SNTG1: variants seen among roughly 807,000 people sequenced by gnomAD.
SNTG1 encodes gamma-1-syntrophin.
A neutral mutation model predicts 74.7 loss-of-function variants in SNTG1; 39 were observed. The observed-to-expected ratio is 0.52, with a 90% CI of 0.40 to 0.68. The LOEUF (loss-of-function observed/expected upper bound fraction) is 0.68. SNTG1 is among the 30% of genes least tolerant of loss of function. The probability of loss-of-function intolerance (pLI) is 0.00; values close to 1 mark genes in which losing one functional copy is unlikely to be tolerated. For synonymous variants in SNTG1, 254 were observed against 217.1 expected (o/e 1.17, Z -1.49); for missense variants, 685 against 609.5 (o/e 1.12, Z -1.30).
chr8:50,740,701 G>A (rs2095541198), intron 17 of SNTG1, among the ~76,000 whole-genome samples: 1 of 152,052 alleles, frequency 6.6e-6, no homozygotes, highest in African/African-American at 2.4e-5. Flanking sequence ...TATGTTCACT[G>A]CAGCACTGTT....
chr8:50,371,964 T>G (rs1235699661), intron 2 of SNTG1, among the ~76,000 whole-genome samples: 1 of 152,208 alleles, frequency 6.6e-6, no homozygotes, highest in East Asian at 1.9e-4. Flanking sequence ...GATCTTGTTT[T>G]TTAATCCATT....
At chr8:49,935,485 G>GAA (rs1233981883) in intron 1 of SNTG1, among the ~76,000 whole-genome samples, 36 of 106,898 alleles carry the variant, frequency 3.4e-4, no homozygotes, top group Non-Finnish European at 4.3e-4. Flanking sequence ...TGGGTCACTG[G>GAA]AAAAAAAGTG....
chr8:50,753,742 A>T (rs933286948), intron 18 of SNTG1, among the ~76,000 whole-genome samples: 9 of 151,874 alleles, frequency 5.9e-5, no homozygotes, highest in African/African-American at 2.2e-4. Flanking sequence ...GTAAGAATAG[A>T]TATTTGGTTG....
At chr8:50,192,958 G>GT (rs2083629273) in intron 2 of SNTG1, among the ~76,000 whole-genome samples, 1 of 152,038 alleles carries the variant, frequency 6.6e-6, no homozygotes, top group African/African-American at 2.4e-5. Context: ...TCAGTTGACT[G>GT]TAAGTATTTG....
chr8:50,643,278 C>T (rs1325391891), intron 13 of SNTG1, among the ~76,000 whole-genome samples: 1 of 152,176 alleles, frequency 6.6e-6, no homozygotes, highest in African/African-American at 2.4e-5. Flanking sequence ...TTCCTGATTG[C>T]CACTCTCCAA....
intron 1 of SNTG1, among the ~76,000 whole-genome samples, chr8:50,163,017 A>G (rs1398972459): frequency 6.6e-6 from 1 of 152,224 alleles, no homozygotes; most frequent in Non-Finnish European, 1.5e-5. Context: ...GGCTGCTTCC[A>G]GGATTCATGG....
chr8:49,923,418 G>A (rs1200199629), intron 1 of SNTG1, among the ~76,000 whole-genome samples: 1 of 152,050 alleles, frequency 6.6e-6, no homozygotes, highest in South Asian at 2.1e-4. Context: ...AGCATATAAA[G>A]TCTTCAATAG....
intron 2 of SNTG1, chr8:50,381,756 T>A (rs1233110998): frequency 7.2e-6 from 1 of 138,654 alleles, no homozygotes; most frequent in Non-Finnish European, 1.6e-5. Flanking sequence ...ATAGGATATA[T>A]ATATCCTATT....
At chr8:50,445,079 G>A (rs1436635146) in intron 5 of SNTG1, among the ~76,000 whole-genome samples, 1 of 152,012 alleles carries the variant, frequency 6.6e-6, no homozygotes, top group East Asian at 1.9e-4. Context: ...TTTCAAACCT[G>A]AGCAATGACC....
chr8:50,477,357 C>A (rs2093704995), intron 8 of SNTG1, among the ~76,000 whole-genome samples: 1 of 151,994 alleles, frequency 6.6e-6, no homozygotes, highest in Non-Finnish European at 1.5e-5. Context: ...GAAAATGACC[C>A]TTTATTTCTG....
chr8:50,118,410 G>A (rs577187541), intron 1 of SNTG1, among the ~76,000 whole-genome samples: 45 of 152,298 alleles, frequency 3.0e-4, no homozygotes, highest in Middle Eastern at 3.4e-3. Context: ...GCTAAGTGTT[G>A]TTCTCAGTGC....
rs527566178 is a variant in SNTG1 at position 50,393,376 on chromosome 8, A to T, written c.-27-836A>T. The stretch of plus-strand genomic sequence containing the variant: ...ATAGTTTACTCTTCCAAAGGCTGAG[A>T]TGAGTAATTTTGAGGAGTACAAAGT... On this transcript the variant is annotated intron_variant, in intron 2 of 18. Coordinates refer to ENST00000642720, the MANE Select transcript of SNTG1 (RefSeq NM_018967.5). Among the ~76,000 whole-genome samples, 31 of 152,310 alleles carry T rather than the reference A, an allele frequency of 2.0e-4. No homozygotes were observed. The South Asian group carries it at 3.9e-3, about 19-fold the overall frequency.
intron 8 of SNTG1, among the ~76,000 whole-genome samples, chr8:50,454,361 G>C (rs1212317623): frequency 2.0e-5 from 3 of 151,942 alleles, no homozygotes; most frequent in African/African-American, 7.3e-5. Context: ...GCTGGGTGTG[G>C]TGGCATGCAC....
chr8:50,693,204 G>T (rs1223958895), intron 15 of SNTG1, among the ~76,000 whole-genome samples: 1 of 152,086 alleles, frequency 6.6e-6, no homozygotes, highest in Non-Finnish European at 1.5e-5. Flanking sequence ...GCACTTCCCG[G>T]GTGAGGTGAT....
intron 2 of SNTG1, among the ~76,000 whole-genome samples, chr8:50,282,639 G>A (rs553370532): frequency 6.6e-5 from 10 of 152,106 alleles, no homozygotes; most frequent in South Asian, 4.2e-4. Context: ...GGTGGCACAC[G>A]CTTGTAGTCC....
chr8:50,563,047 G>A (rs2094497126), intron 12 of SNTG1, among the ~76,000 whole-genome samples: 1 of 152,154 alleles, frequency 6.6e-6, no homozygotes, highest in Admixed American at 6.5e-5. Context: ...GGAGGGAGAA[G>A]CCACACAAGA....
intron 1 of SNTG1, among the ~76,000 whole-genome samples, chr8:49,982,780 T>G (rs1366434943): frequency 6.6e-6 from 1 of 152,122 alleles, no homozygotes; most frequent in African/African-American, 2.4e-5. Context: ...TTTAGAAAAC[T>G]AATCAAGTGG....
At chr8:50,664,985 AATAGATTT>A (rs2095243573) in intron 15 of SNTG1, among the ~76,000 whole-genome samples, 3 of 152,180 alleles carry the variant, frequency 2.0e-5, no homozygotes, top group African/African-American at 7.2e-5. Flanking sequence ...CAGAGCTAGC[AATAGATTT>A]AGCAAGAACA....
chr8:50,316,186 C>T (rs906322122), intron 2 of SNTG1, among the ~76,000 whole-genome samples: 2 of 152,084 alleles, frequency 1.3e-5, no homozygotes, highest in South Asian at 2.1e-4. Flanking sequence ...ATACAATAAA[C>T]TTGTACAGAT....
Sources: allele counts gnomAD v4.1 joint callset (sites outside exome capture counted in the v4.1 genomes callset), GRCh38; gene constraint gnomAD v4.1.1; transcripts MANE v1.5; gene names NCBI Gene and HGNC (gene_info 2026-07-23, HGNC 2026-07-21).